The following ARID1A variants were observed in gnomAD, a reference collection of about 807,000 sequenced individuals.
The protein encoded by ARID1A is AT-rich interaction domain 1A.
ARID1A carries 20 observed loss-of-function variants against 212.6 expected under a neutral mutation model. The observed-to-expected ratio is 0.09, with a 90% CI of 0.07 to 0.14. The LOEUF is 0.14. ARID1A is among the 10% of genes least tolerant of loss of function. ARID1A has a pLI of 1.00. For synonymous variants in ARID1A, 1,376 were observed against 1,222.1 expected (o/e 1.13, Z -2.63); for missense variants, 2,587 against 3,059.0 (o/e 0.85, Z 3.64).
chr1:26,722,991 A>T (rs1490073570), intron 1 of ARID1A, among the ~76,000 whole-genome samples: 2 of 152,154 alleles, frequency 1.3e-5, no homozygotes, highest in Non-Finnish European at 2.9e-5. Flanking sequence ...TAGGAGTAAA[A>T]CTAAGACAAA....
chr1:26,718,864 A>G lies in ARID1A; in HGVS notation c.1138-10787A>G, dbSNP rs2124772602. On this transcript the variant is annotated intron_variant, in intron 1 of 19. Coordinates refer to ENST00000324856, the MANE Select transcript of ARID1A (RefSeq NM_006015.6). ...TTTCCTATACATGCATACCTATGAT[A>G]AAGTTTAATTTATTAGGCATAGTAA... is the stretch of plus-strand genomic sequence containing the variant. Among the ~76,000 whole-genome samples, 3 of 152,346 alleles carry G rather than the reference A, an allele frequency of 2.0e-5. No homozygotes were observed. In the Middle Eastern group the frequency reaches 0.01, roughly 518 times the overall value.
intron 18 of ARID1A, 85 bp from the exon 19 acceptor site, chr1:26,775,492 G>T (rs2124125491): frequency 6.4e-7 from 1 of 1,567,532 alleles, no homozygotes; most frequent in Non-Finnish European, 8.6e-7. Context: ...GTTATCTTCA[G>T]AGTAGCTTCA....
At chr1:26,717,538 G>A (rs923162639) in intron 1 of ARID1A, among the ~76,000 whole-genome samples, 1 of 152,102 alleles carries the variant, frequency 6.6e-6, no homozygotes, top group African/African-American at 2.4e-5. Flanking sequence ...TGGACTTCTG[G>A]TCTTAAGTGT....
chr1:26,775,727 G>T lies in ARID1A; in HGVS notation c.5124+20G>T, dbSNP rs1294715780. The T allele has an allele frequency of 9.9e-6, 16 of 1,614,004 alleles. No homozygotes were observed. The highest frequency in any genetic ancestry group is 1.4e-5 in the Non-Finnish European group (16 of 1,180,016). ...AGTCAGGTGAGTATCAGTGCCTGGGGAAGATTGAGAGGGTTTGGGATCTTC... is the reference window on the plus strand; with the variant it reads ...AGTCAGGTGAGTATCAGTGCCTGGGTAAGATTGAGAGGGTTTGGGATCTTC... On this transcript the variant is annotated intron_variant, in intron 19 of 19. Transcript: ENST00000324856.
chr1:26,713,566 G>T (rs1267034501), intron 1 of ARID1A, among the ~76,000 whole-genome samples: 4 of 152,042 alleles, frequency 2.6e-5, no homozygotes, highest in Non-Finnish European at 5.9e-5. Flanking sequence ...CACCATGTTG[G>T]TCAGGCTGGT....
chr1:26,714,705 G>A (rs561424484), intron 1 of ARID1A, among the ~76,000 whole-genome samples: 1 of 152,082 alleles, frequency 6.6e-6, no homozygotes, highest in South Asian at 2.1e-4. Flanking sequence ...ATGAGCCACC[G>A]CGCCGCATAT....
intron 2 of ARID1A, among the ~76,000 whole-genome samples, chr1:26,730,199 A>G (rs2080660260): frequency 6.6e-6 from 1 of 152,232 alleles, no homozygotes; most frequent in African/African-American, 2.4e-5. Flanking sequence ...TAGGAAAACC[A>G]TTCATATCAT....
At chr1:26,746,691 A>G (rs1251954530) in intron 4 of ARID1A, among the ~76,000 whole-genome samples, 1 of 152,002 alleles carries the variant, frequency 6.6e-6, no homozygotes, top group Non-Finnish European at 1.5e-5. Flanking sequence ...GAGGAGATTA[A>G]GACCATCCTG....
chr1:26,753,486 C>G (rs1221989800), intron 4 of ARID1A, among the ~76,000 whole-genome samples: 1 of 152,212 alleles, frequency 6.6e-6, no homozygotes, highest in Non-Finnish European at 1.5e-5. Context: ...AGGGCTGTAG[C>G]CAGCCTGGAG....
chr1:26,739,681 A>T (rs1160652114), intron 4 of ARID1A, among the ~76,000 whole-genome samples: 1 of 152,210 alleles, frequency 6.6e-6, no homozygotes, highest in African/African-American at 2.4e-5. Context: ...AGTGCAGTTT[A>T]TTCCTGGGTA....
At chr1:26,720,207 C>T (rs988307389) in intron 1 of ARID1A, among the ~76,000 whole-genome samples, 13 of 150,772 alleles carry the variant, frequency 8.6e-5, no homozygotes, top group African/African-American at 2.4e-5. Flanking sequence ...GCCGAGGTCA[C>T]GCACTGCACT....
At position 26,763,130 on chromosome 1, in the gene ARID1A, T is replaced by C. The variant is rs1278140344; in HGVS notation, c.2577T>C (p.Ser859=). Residue 859 remains serine, a synonymous_variant, in exon 8 of 20, where the codon AGT becomes AGC. Coordinates refer to ENST00000324856, the MANE Select transcript of ARID1A (RefSeq NM_006015.6). ...GCACACTCCCTCCAGGGAGGATGAG[T>C]CACGCCTCCATGGGCAACCGGCCTT... ...PYGTLPPGRM[S]HASMGNRPYG... 2 of 1,614,118 alleles carry C rather than the reference T, an allele frequency of 1.2e-6. No homozygotes were observed. The highest frequency in any genetic ancestry group is 2.7e-5 in the African/African-American group (2 of 74,942).
chr1:26,711,337 A>G (rs1330786981), intron 1 of ARID1A, among the ~76,000 whole-genome samples: 2 of 151,976 alleles, frequency 1.3e-5, no homozygotes, highest in African/African-American at 4.8e-5. Flanking sequence ...TGGCCATGCA[A>G]GTCTCAAACT....
rs2124054408 is a variant in ARID1A, at chr1:26,760,904, C to T, written c.1969C>T (p.Leu657=). 6.2e-7 allele frequency: 1 copy of T among 1,614,038 alleles called. No homozygotes were observed. The highest frequency in any genetic ancestry group is 8.5e-7 in the Non-Finnish European group (1 of 1,179,994). ...CCTCCCCATGGGGACAGAAGGAGCT[C>T]TGAGTCCTGGAGTGAGCACATCAGG... ...DDLPMGTEGA[L]SPGVSTSGIS... Residue 657 remains leucine (L), a synonymous_variant, in exon 5 of 20, where the codon CTG becomes TTG. Coordinates refer to ENST00000324856, the MANE Select transcript of ARID1A (RefSeq NM_006015.6).
chr1:26,736,015 G>A (rs537712939), intron 4 of ARID1A, among the ~76,000 whole-genome samples: 41 of 151,972 alleles, frequency 2.7e-4, no homozygotes, highest in Non-Finnish European at 5.0e-4. Flanking sequence ...TTGACTAAAG[G>A]CCATTGTTAT....
intron 4 of ARID1A, among the ~76,000 whole-genome samples, chr1:26,736,919 A>C (rs1438640490): frequency 4.0e-5 from 6 of 151,494 alleles, no homozygotes; most frequent in Non-Finnish European, 7.4e-5. Flanking sequence ...AAAAAAAAAA[A>C]AAACCCTGCA....
intron 4 of ARID1A, among the ~76,000 whole-genome samples, chr1:26,737,822 G>T (rs2080748501): frequency 6.6e-6 from 1 of 150,956 alleles, no homozygotes; most frequent in Non-Finnish European, 1.5e-5. Context: ...CCAAGATGGT[G>T]CCATTACACT....
intron 4 of ARID1A, among the ~76,000 whole-genome samples, chr1:26,759,172 ATG>A (rs1202618815): frequency 6.6e-6 from 1 of 152,022 alleles, no homozygotes; most frequent in Non-Finnish European, 1.5e-5. Flanking sequence ...CCTCCTTGAG[ATG>A]TGTGGTGTTT....
rs1228411732 is a variant in ARID1A at position 26,696,503 on chromosome 1, G to C, written c.100G>C (p.Glu34Gln). 1.6e-6 allele frequency: 2 copies of C among 1,231,026 alleles called. No homozygotes were observed. Among genetic ancestry groups the C allele is most frequent in the Non-Finnish European group, 2.0e-6 (2 of 989,026 alleles). 76.3% of individuals were successfully genotyped at this position (1,231,026 alleles called of 1,614,324 possible). ...LKKAEQQQRE[E>Q]AGGEAAAAAA... The stretch of plus-strand genomic sequence containing the variant: ...GAAAGCCGAGCAGCAGCAGCGGGAG[G>C]AGGCGGGGGGCGAGGCGGCGGCGGC... Residue 34 changes from glutamate (E) to glutamine (Q), a missense_variant, in exon 1 of 20, where the codon GAG becomes CAG. Physicochemically the swap from Glu to Gln is conservative, Grantham distance 29. This residue lies in a region of ARID1A where 735 missense variants were observed against 590.6 expected (regional missense o/e 1.24). Coordinates refer to ENST00000324856, the MANE Select transcript of ARID1A (RefSeq NM_006015.6).
Sources: gnomAD v4.1 joint callset for allele counts (sites outside exome capture counted in the v4.1 genomes callset) on GRCh38, gnomAD v4.1.1 for gene constraint, gnomAD v4.1.1 regional missense constraint, MANE v1.5 for transcripts, NCBI Gene and HGNC (gene_info 2026-07-23, HGNC 2026-07-21) for gene names.